The following CADPS2 variants were observed in gnomAD, a reference collection of about 807,000 sequenced individuals.
CADPS2 encodes the protein calcium dependent secretion activator 2, also known as calcium-dependent secretion activator 2.
In CADPS2, 93 loss-of-function variants were observed where a neutral mutation model predicts 172.5. That is an observed-to-expected ratio of 0.54 (90% CI 0.46 to 0.64). The LOEUF is 0.64. Among genes scored for constraint, CADPS2 ranks in the 30% least tolerant of loss-of-function variants. The pLI is 0.00. For missense variants in CADPS2, 1,420 were observed against 1,565.9 expected (o/e 0.91, Z 1.57); for synonymous variants, 546 against 555.2 (o/e 0.98, Z 0.23).
chr7:122,751,424 A>C (rs944152780), intron 1 of CADPS2, among the ~76,000 whole-genome samples: 1 of 152,182 alleles, frequency 6.6e-6, no homozygotes, highest in Non-Finnish European at 1.5e-5. Flanking sequence ...GACTGAGAGC[A>C]TAGTTTCGTG....
At chr7:122,564,878 A>C (rs562790043) in intron 7 of CADPS2, among the ~76,000 whole-genome samples, 5 of 127,132 alleles carry the variant, frequency 3.9e-5, no homozygotes, top group African/African-American at 9.3e-5. Flanking sequence ...CACACACACA[A>C]AACACTACCC....
Position 122,773,213 on chromosome 7 carries a change from C to T in CADPS2, c.340-36145G>A, listed in dbSNP as rs76110238. ...ATAGTATTAAATGCTAGAAAGGACA[C>T]GGTGATATGGAAACGTGGTGAACAT... On this transcript the variant is annotated intron_variant, in intron 1 of 29. Coordinates refer to ENST00000449022, the MANE Select transcript of CADPS2 (RefSeq NM_017954.11). Among the ~76,000 whole-genome samples the T allele has an allele frequency of 1.6e-4, 24 of 151,936 alleles. No homozygotes were observed. In the East Asian group the frequency reaches 3.7e-3, roughly 23 times the overall value.
At chr7:122,452,247 A>G (rs762903480) in intron 14 of CADPS2, among the ~76,000 whole-genome samples, 2 of 152,220 alleles carry the variant, frequency 1.3e-5, no homozygotes, top group Non-Finnish European at 2.9e-5. Flanking sequence ...TAAAATTTTG[A>G]ACATATAAAT....
chr7:122,698,063 A>G (rs755001437), intron 2 of CADPS2: 1 of 1,614,058 alleles, frequency 6.2e-7, no homozygotes, highest in Non-Finnish European at 8.5e-7. Context: ...GGTAAAATCC[A>G]GGGGTCAATG....
intron 17 of CADPS2, among the ~76,000 whole-genome samples, chr7:122,437,804 GAAAGA>G (rs1386470048): frequency 1.1e-4 from 13 of 123,324 alleles, no homozygotes; most frequent in Admixed American, 1.7e-4. Context: ...AAAGCCTGAA[GAAAGA>G]AAAAAAAAAA....
At chr7:122,566,446 T>C (rs1314197790) in intron 7 of CADPS2, among the ~76,000 whole-genome samples, 1 of 152,138 alleles carries the variant, frequency 6.6e-6, no homozygotes, top group Non-Finnish European at 1.5e-5. Context: ...AATCTGTATA[T>C]AGAAGAGATA....
intron 1 of CADPS2, among the ~76,000 whole-genome samples, chr7:122,876,502 C>T (rs561590391): frequency 1.3e-5 from 2 of 152,190 alleles, no homozygotes; most frequent in East Asian, 3.9e-4. Context: ...GCTGGGAACA[C>T]AGGCATGAGT....
chr7:122,552,324 C>T (rs1563679141), intron 8 of CADPS2, among the ~76,000 whole-genome samples: 2 of 152,036 alleles, frequency 1.3e-5, no homozygotes, highest in African/African-American at 4.8e-5. Context: ...TCTGGAAATG[C>T]CTGTATCTCT....
intron 2 of CADPS2, among the ~76,000 whole-genome samples, chr7:122,673,650 C>G (rs1401076662): frequency 6.6e-6 from 1 of 151,858 alleles, no homozygotes; most frequent in Non-Finnish European, 1.5e-5. Context: ...GCCATGAATC[C>G]CGAGCTAGAC....
intron 22 of CADPS2, among the ~76,000 whole-genome samples, chr7:122,392,683 A>T (rs1163367052): frequency 2.0e-5 from 3 of 152,128 alleles, no homozygotes; most frequent in Non-Finnish European, 4.4e-5. Flanking sequence ...CAAAAGAAGA[A>T]CTTCCTGGTT....
Position 122,568,448 on chromosome 7 carries a change from A to C in CADPS2, c.1335+12731T>G, listed in dbSNP as rs895602945. 2.6e-5 allele frequency among the ~76,000 whole-genome samples: 4 copies of C among 152,162 alleles called. No individual in the cohort carries two copies. In the East Asian group the frequency reaches 7.7e-4, roughly 29 times the overall value. The stretch of plus-strand genomic sequence containing the variant: ...ACATGAGGCAAAAAAAGATAAAACA[A>C]ATACAAAACTATAGCAAGATATTTC... On this transcript the variant is annotated intron_variant, in intron 7 of 29. Coordinates refer to ENST00000449022, the MANE Select transcript of CADPS2 (RefSeq NM_017954.11).
At chr7:122,847,196 C>T (rs571566914) in intron 1 of CADPS2, among the ~76,000 whole-genome samples, 1 of 152,270 alleles carries the variant, frequency 6.6e-6, no homozygotes, top group Admixed American at 6.5e-5. Context: ...AAGCAATTCT[C>T]CTATCTTGGC....
intron 1 of CADPS2, among the ~76,000 whole-genome samples, chr7:122,749,972 A>G (rs931813443): frequency 6.6e-6 from 1 of 151,958 alleles, no homozygotes; most frequent in African/African-American, 2.4e-5. Flanking sequence ...AAAAAAAAAA[A>G]AAAAGAAAAA....
At chr7:122,501,500 C>A (rs566713229) in intron 9 of CADPS2, among the ~76,000 whole-genome samples, 90 of 152,084 alleles carry the variant, frequency 5.9e-4, no homozygotes, top group Middle Eastern at 6.8e-3. Context: ...AGATTGAGGT[C>A]TAAACTCCAG....
At chr7:122,383,535 CTTAAG>C (rs142225798) in intron 24 of CADPS2, among the ~76,000 whole-genome samples, 4,430 of 152,178 alleles carry the variant, frequency 0.029, 218 homozygotes, top group African/African-American at 0.1. Flanking sequence ...TCAATTCATT[CTTAAG>C]TTAAGTTTCT....
chr7:122,571,890 GAGT>G (rs557593718), intron 7 of CADPS2, among the ~76,000 whole-genome samples: 18 of 152,074 alleles, frequency 1.2e-4, no homozygotes, highest in Admixed American at 2.0e-4. Context: ...AACAGATGAG[GAGT>G]AGATTAAAGA....
At chr7:122,874,638 G>A (rs964482379) in intron 1 of CADPS2, among the ~76,000 whole-genome samples, 7 of 152,040 alleles carry the variant, frequency 4.6e-5, no homozygotes, top group Middle Eastern at 3.2e-3. Flanking sequence ...ACTATACTTT[G>A]AGGCTACAGC....
intron 25 of CADPS2, among the ~76,000 whole-genome samples, chr7:122,376,934 G>T (rs182250479): frequency 2.6e-5 from 4 of 152,112 alleles, no homozygotes; most frequent in South Asian, 4.1e-4. Flanking sequence ...AGATTAATTT[G>T]CATCATCTTT....
In CADPS2 at chr7:122,387,058, T is replaced by C; in HGVS notation, c.3280A>G (p.Thr1094Ala). The change falls in exon 24 of 30, where the codon ACC becomes GCC. Residue 1094 changes from threonine (T) to alanine (A), a missense_variant. By Grantham distance (58) the Thr-to-Ala change is moderately conservative (BLOSUM62 0). Transcript: ENST00000449022. ...CCTCCATCCAGGGCACAGAGTTTGG[T>C]GCTTTGCTTTTTGGCATCGACTAAT... ...NVLVDAKKQS[T>A]KLCALDGGQE... 6.4e-7 allele frequency: 1 copy of C among 1,559,640 alleles called. No homozygotes were observed. Among genetic ancestry groups the C allele is most frequent in the Non-Finnish European group, 8.7e-7 (1 of 1,150,160 alleles).
Sources: gnomAD v4.1 joint callset for allele counts (sites outside exome capture counted in the v4.1 genomes callset) on GRCh38, gnomAD v4.1.1 for gene constraint, MANE v1.5 for transcripts, NCBI Gene and HGNC (gene_info 2026-07-23, HGNC 2026-07-21) for gene names.